The following ANKMY1 variants were observed in gnomAD, a reference collection of about 807,000 sequenced individuals.
ANKMY1 encodes ankyrin repeat and MYND domain containing 1.
ANKMY1 carries 98 observed loss-of-function variants against 102.0 expected under a neutral mutation model. The observed-to-expected ratio is 0.96, with a 90% CI of 0.82 to 1.14. The LOEUF is 1.14. Among genes scored for constraint, ANKMY1 ranks in the 50% most tolerant of loss-of-function variants. The probability of loss-of-function intolerance (pLI) is 0.00; values close to 1 mark genes in which losing one functional copy is unlikely to be tolerated. For synonymous variants in ANKMY1, 582 were observed against 559.9 expected, an observed-to-expected ratio of 1.04 and a Z score of -0.56; for missense variants, 1,330 against 1,347.6, an observed-to-expected ratio of 0.99 and a Z score of 0.20.
At position 240,479,563 on chromosome 2, in the gene ANKMY1, A is replaced by G. The variant is rs1427358330; in HGVS notation, c.*46T>C. ...GGTGGCTCAGGCAGGTAAGAAACCCACACAGTCCTGGGTCCTCCCCAAGCC... is the reference window on the plus strand; with the variant it reads ...GGTGGCTCAGGCAGGTAAGAAACCCGCACAGTCCTGGGTCCTCCCCAAGCC... On this transcript the variant is annotated 3_prime_UTR_variant, in exon 18 of 18. Coordinates refer to ENST00000401804, the MANE Select transcript of ANKMY1 (RefSeq NM_001282771.3). 6.2e-7 allele frequency: 1 copy of G among 1,608,002 alleles called. No homozygotes were observed. Among genetic ancestry groups the G allele is most frequent in the Admixed American group, 1.7e-5 (1 of 59,884 alleles).
Position 240,529,207 on chromosome 2 carries a change from G to A in ANKMY1, c.783C>T (p.Val261=), listed in dbSNP as rs763914827. ...GCAGGTGGTCACTGTTGGTCGAGTA[G>A]ACATACATTTCTGGAGGCAGCGTTA... is the stretch of plus-strand genomic sequence containing the variant. ...DNLTLPPEMY[V]YSTNSDHLPM... Residue 261 remains valine (V), a synonymous_variant, in exon 5 of 18, where the codon GTC becomes GTT. Transcript: ENST00000401804. This position sits in a 1 kb window ranked among gnomAD's most constrained non-coding sequence, Gnocchi z 4.2. The A allele has an allele frequency of 2.5e-6, 4 of 1,614,088 alleles. No individual in the cohort carries two copies. Among genetic ancestry groups the A allele is most frequent in the Non-Finnish European group, 3.4e-6 (4 of 1,180,054 alleles).
In ANKMY1 at chr2:240,520,022, G is replaced by A; in HGVS notation, c.2004+340C>T. ...TGCGTCCTTGTGATGCTGAGCGTGG[G>A]TTGAAAGGAGGCCCGCCTCCTCCTG... On this transcript the variant is annotated intron_variant, in intron 9 of 17. Coordinates refer to ENST00000401804, the MANE Select transcript of ANKMY1 (RefSeq NM_001282771.3). This position sits in a 1 kb window ranked among gnomAD's most constrained non-coding sequence, Gnocchi z 4.8. 1.9e-6 allele frequency: 1 copy of A among 526,588 alleles called. No homozygotes were observed. The highest frequency in any genetic ancestry group is 1.5e-5 in the South Asian group (1 of 64,978). 32.6% of individuals were successfully genotyped at this position (526,588 alleles called of 1,614,324 possible). A position where few individuals can be genotyped will look rare whatever the true frequency, so the allele number is the denominator to read the frequency against.
chr2:240,496,125 G>A (rs1205947574), intron 15 of ANKMY1, among the ~76,000 whole-genome samples: 1 of 152,062 alleles, frequency 6.6e-6, no homozygotes, highest in Non-Finnish European at 1.5e-5. Flanking sequence ...TAAATTTTGA[G>A]TTATTTTTCT....
At chr2:240,479,238 G>A (rs1021217120), downstream of ANKMY1, among the ~76,000 whole-genome samples, 1 of 152,162 alleles carries the variant, frequency 6.6e-6, no homozygotes, top group Admixed American at 6.5e-5. Context: ...AGAGACCCAG[G>A]AGCTGCCCCC....
chr2:240,501,146 T>A (rs2078117273), intron 13 of ANKMY1, among the ~76,000 whole-genome samples: 1 of 151,436 alleles, frequency 6.6e-6, no homozygotes, highest in Non-Finnish European at 1.5e-5. Context: ...GGCTAGTGGG[T>A]GAGCGTGTGT....
At chr2:240,480,096 G>A (rs1238420849) in intron 17 of ANKMY1, among the ~76,000 whole-genome samples, 1 of 152,210 alleles carries the variant, frequency 6.6e-6, no homozygotes, top group Non-Finnish European at 1.5e-5. Context: ...GGAGGCTGAG[G>A]CAGGAGAATC....
intron 15 of ANKMY1, among the ~76,000 whole-genome samples, chr2:240,490,097 T>A (rs2076473057): frequency 6.6e-6 from 1 of 152,236 alleles, no homozygotes; most frequent in African/African-American, 2.4e-5. Context: ...TAATATCTCC[T>A]TTTCCATTTC....
At chr2:240,513,486 T>C (rs1314877573) in intron 9 of ANKMY1, among the ~76,000 whole-genome samples, 1 of 152,172 alleles carries the variant, frequency 6.6e-6, no homozygotes, top group African/African-American at 2.4e-5. Flanking sequence ...GAATGGACAG[T>C]GGGCTTTGGG....
chr2:240,531,985 G>A (rs944626994), intron 4 of ANKMY1: 1 of 261,592 alleles, frequency 3.8e-6, no homozygotes, highest in Non-Finnish European at 8.5e-6. Flanking sequence ...GGAAGACACA[G>A]AAATGAGACA....
At chr2:240,477,908 C>A (rs1172298183), downstream of ANKMY1, among the ~76,000 whole-genome samples, 1 of 152,120 alleles carries the variant, frequency 6.6e-6, no homozygotes, top group Non-Finnish European at 1.5e-5. Context: ...AGGACACACA[C>A]AAAGCGTTGG....
intron 4 of ANKMY1, among the ~76,000 whole-genome samples, chr2:240,542,720 C>CTATATA (rs71404655): frequency 2.4e-4 from 35 of 144,870 alleles, no homozygotes; most frequent in East Asian, 4.0e-4. Context: ...ATGTTTATAT[C>CTATATA]TATATATATA....
At chr2:240,542,722 A>C (rs909507939) in intron 4 of ANKMY1, among the ~76,000 whole-genome samples, 10 of 29,754 alleles carry the variant, frequency 3.4e-4, no homozygotes, top group Non-Finnish European at 5.6e-4. Context: ...GTTTATATCT[A>C]TATATATATA....
chr2:240,538,802 CTG>C, intron 4 of ANKMY1, among the ~76,000 whole-genome samples: 1 of 152,322 alleles, frequency 6.6e-6, no homozygotes, highest in East Asian at 1.9e-4. Context: ...AGTCAGCACT[CTG>C]TGTCTAGCTC....
intron 15 of ANKMY1, among the ~76,000 whole-genome samples, chr2:240,487,410 T>C (rs1179112388): frequency 2.0e-5 from 3 of 152,242 alleles, no homozygotes; most frequent in African/African-American, 7.2e-5. Context: ...TTCCATATCA[T>C]AGATAGCTAT....
At chr2:240,512,309 G>C (rs954000027) in intron 10 of ANKMY1, among the ~76,000 whole-genome samples, 1 of 152,166 alleles carries the variant, frequency 6.6e-6, no homozygotes, top group Non-Finnish European at 1.5e-5. Context: ...GTGTGCTGGC[G>C]ACTGAAAGCC....
upstream of ANKMY1, chr2:240,560,778 C>A (rs752233645): frequency 2.1e-6 from 3 of 1,454,322 alleles, no homozygotes; most frequent in Admixed American, 2.7e-5. Flanking sequence ...CGGGAGCGCG[C>A]GAGCCGCGGG....
intron 13 of ANKMY1, among the ~76,000 whole-genome samples, chr2:240,504,591 G>A (rs2078745196): frequency 6.6e-6 from 1 of 151,358 alleles, no homozygotes. Context: ...TAAAAAAAAA[G>A]ATTCAAAAAT....
chr2:240,509,250 TG>T, intron 12 of ANKMY1, 97 bp downstream of exon 12: 2 of 1,022,668 alleles, frequency 2.0e-6, no homozygotes, highest in Non-Finnish European at 2.8e-6. Flanking sequence ...GATGGATAAA[TG>T]GCCAACAACT....
intron 13 of ANKMY1, among the ~76,000 whole-genome samples, chr2:240,505,583 G>C (rs1393106567): frequency 6.6e-6 from 1 of 152,198 alleles, no homozygotes. Context: ...ATTGGCTGAG[G>C]GGGAGGGCAG....
Sources: allele counts gnomAD v4.1 joint callset (sites outside exome capture counted in the v4.1 genomes callset), GRCh38; gene constraint gnomAD v4.1.1; non-coding constraint Gnocchi (gnomAD v3.1); transcripts MANE v1.5; gene names NCBI Gene and HGNC (gene_info 2026-07-23, HGNC 2026-07-21).